The following IFT140 variants were observed in gnomAD, a reference collection of about 807,000 sequenced individuals.
IFT140 encodes the protein intraflagellar transport protein 140 homolog.
A neutral mutation model predicts 164.6 loss-of-function variants in IFT140; 133 were observed. That is an observed-to-expected ratio of 0.81 (90% CI 0.70 to 0.93). IFT140 has a LOEUF of 0.93. Ranked by LOEUF, IFT140 falls within the 40% of genes least tolerant of loss-of-function variation. IFT140 has a pLI of 0.00. For synonymous variants in IFT140, 860 were observed against 817.3 expected (o/e 1.05, Z -0.89); for missense variants, 2,045 against 1,972.3 (o/e 1.04, Z -0.70).
chr16:1,544,741 C>T (rs1042760474), intron 19 of IFT140, among the ~76,000 whole-genome samples: 10 of 151,982 alleles, frequency 6.6e-5, no homozygotes, highest in African/African-American at 1.2e-4. Flanking sequence ...CTCCGCCTCC[C>T]GGGTTCACGC....
At chr16:1,521,864 A>G (rs1223855777) in intron 26 of IFT140, among the ~76,000 whole-genome samples, 1 of 150,922 alleles carries the variant, frequency 6.6e-6, no homozygotes, top group Non-Finnish European at 1.5e-5. Flanking sequence ...TCCACAAGAA[A>G]AAAAAACAGT....
At chr16:1,608,651 A>G (rs1596472882) in intron 2 of IFT140, among the ~76,000 whole-genome samples, 1 of 150,794 alleles carries the variant, frequency 6.6e-6, no homozygotes, top group East Asian at 1.9e-4. Flanking sequence ...AAAAAAAAAA[A>G]GAAACCCGAA....
intron 13 of IFT140, among the ~76,000 whole-genome samples, chr16:1,571,943 C>A (rs1162523267): frequency 6.6e-6 from 1 of 152,174 alleles, no homozygotes; most frequent in Non-Finnish European, 1.5e-5. Context: ...CTCTGGGGGG[C>A]CCTGTCTGTG....
rs540118183 is a variant in IFT140 at position 1,518,790 on chromosome 16, C to T, written c.4041-433G>A. Among the ~76,000 whole-genome samples, 266 of 152,048 alleles carry T rather than the reference C, an allele frequency of 1.7e-3. 1 individual carries two copies. The highest frequency in any genetic ancestry group is 6.1e-3 in the African/African-American group (255 of 41,498). The stretch of plus-strand genomic sequence containing the variant: ...CACACAGGCTGCGTGTGTGACCTGG[C>T]GTGAGGGTCTGTGGCAGAGCAGGGT... On this transcript the variant is annotated intron_variant, in intron 29 of 30. Transcript: ENST00000426508.
At chr16:1,544,133 T>A (rs2031919768) in intron 19 of IFT140, among the ~76,000 whole-genome samples, 1 of 151,316 alleles carries the variant, frequency 6.6e-6, no homozygotes, top group Non-Finnish European at 1.5e-5. Context: ...TTCTCCTGCC[T>A]CAGCCTCCCG....
intron 24 of IFT140, 109 bp from the exon 25 acceptor site, chr16:1,524,065 T>C: frequency 7.3e-7 from 1 of 1,378,726 alleles, no homozygotes; most frequent in South Asian, 1.4e-5. Flanking sequence ...TTTGACACAC[T>C]GCTCAGCGAT....
rs1299854506 is a variant in IFT140 at position 1,510,945 on chromosome 16, C to A, written c.4388G>T (p.Ter1463LeuextTer137). Residue 1463 changes from the stop codon to leucine (L), a stop_lost, in exon 31 of 31, where the codon TGA (stop) becomes TTA (leucine). Coordinates refer to ENST00000426508, the MANE Select transcript of IFT140 (RefSeq NM_014714.4). ...EVVEEADDDP[*>L] Reference sequence around the variant, plus strand: ...CGCTGGTCCTGGGGCCCAGGCCCCTCAGGGGTCGTCATCTGCCTCTTCCAC... The same window carrying A: ...CGCTGGTCCTGGGGCCCAGGCCCCTAAGGGGTCGTCATCTGCCTCTTCCAC... The A allele has an allele frequency of 6.2e-7, 1 of 1,610,566 alleles. No homozygotes were observed. Among genetic ancestry groups the A allele is most frequent in the African/African-American group, 1.3e-5 (1 of 74,862 alleles).
At chr16:1,583,011 C>T (rs909627135) in intron 12 of IFT140, among the ~76,000 whole-genome samples, 2 of 152,202 alleles carry the variant, frequency 1.3e-5, no homozygotes, top group African/African-American at 4.8e-5. Flanking sequence ...GGTCAAGACA[C>T]CACAGGTCTC....
intron 10 of IFT140, among the ~76,000 whole-genome samples, chr16:1,585,047 T>C (rs1596412228): frequency 6.6e-6 from 1 of 152,148 alleles, no homozygotes; most frequent in East Asian, 1.9e-4. Context: ...ACAACGACAG[T>C]GTCTCATCAG....
chr16:1,529,869 T>C (rs999670368), intron 19 of IFT140, among the ~76,000 whole-genome samples: 1 of 152,122 alleles, frequency 6.6e-6, no homozygotes, highest in Non-Finnish European at 1.5e-5. Flanking sequence ...CGTCAGCAAA[T>C]GATGCACGTG....
At chr16:1,546,325 C>T (rs2141339184) in intron 19 of IFT140, among the ~76,000 whole-genome samples, 1 of 152,308 alleles carries the variant, frequency 6.6e-6, no homozygotes, top group Non-Finnish European at 1.5e-5. Flanking sequence ...ATGCTCCGAG[C>T]CCTCAGGTGT....
chr16:1,603,789 T>C (rs569290565), intron 3 of IFT140, among the ~76,000 whole-genome samples: 1 of 152,298 alleles, frequency 6.6e-6, no homozygotes. Flanking sequence ...CCATGTGCTG[T>C]GTTTTCTAAA....
chr16:1,547,087 C>T (rs1053028139), intron 19 of IFT140, among the ~76,000 whole-genome samples: 2 of 152,194 alleles, frequency 1.3e-5, no homozygotes, highest in African/African-American at 2.4e-5. Context: ...GGCATGATGC[C>T]GAAGGCTTCT....
intron 19 of IFT140, among the ~76,000 whole-genome samples, chr16:1,549,659 T>G (rs1212636322): frequency 6.6e-6 from 1 of 151,870 alleles, no homozygotes; most frequent in African/African-American, 2.4e-5. Context: ...CTCAAACTCC[T>G]GACCTCAGGT....
chr16:1,517,511 A>C (rs965631443), intron 30 of IFT140, among the ~76,000 whole-genome samples: 2 of 152,206 alleles, frequency 1.3e-5, no homozygotes, highest in African/African-American at 2.4e-5. Flanking sequence ...TCAGCAAGGT[A>C]CTGTTCACCC....
chr16:1,600,643 TG>T (rs2035746985), intron 4 of IFT140, among the ~76,000 whole-genome samples: 1 of 152,268 alleles, frequency 6.6e-6, no homozygotes, highest in East Asian at 1.9e-4. Flanking sequence ...GGAAGTTTAC[TG>T]TTTACCCATA....
At chr16:1,557,281 CA>C (rs2033149164) in intron 19 of IFT140, among the ~76,000 whole-genome samples, 1 of 152,164 alleles carries the variant, frequency 6.6e-6, no homozygotes, top group African/African-American at 2.4e-5. Context: ...GAAGGCCCGG[CA>C]GGGGGAATGA....
At chr16:1,605,156 C>T (rs992476454) in intron 3 of IFT140, among the ~76,000 whole-genome samples, 4 of 152,124 alleles carry the variant, frequency 2.6e-5, no homozygotes, top group African/African-American at 9.7e-5. Flanking sequence ...GGCCATGGTG[C>T]TCACAAGCTG....
At chr16:1,566,952 G>A (rs1280170192) in intron 15 of IFT140, among the ~76,000 whole-genome samples, 1 of 152,012 alleles carries the variant, frequency 6.6e-6, no homozygotes, top group Non-Finnish European at 1.5e-5. Context: ...ACATCCTCTC[G>A]CCTGTCCCTT....
Sources: allele counts gnomAD v4.1 joint callset (sites outside exome capture counted in the v4.1 genomes callset), GRCh38; gene constraint gnomAD v4.1.1; transcripts MANE v1.5; gene names NCBI Gene and HGNC (gene_info 2026-07-23, HGNC 2026-07-21).